FIG4: variants seen among roughly 807,000 people sequenced by gnomAD.
FIG4 encodes polyphosphoinositide phosphatase.
Under a neutral mutation model 118.6 loss-of-function variants are expected in FIG4, and 112 were observed. The ratio of observed to expected loss-of-function variants is 0.94; its 90% CI spans 0.81 to 1.11. The LOEUF is 1.11. Among genes scored for constraint, FIG4 ranks in the 50% least tolerant of loss-of-function variants. The pLI, the probability that FIG4 is intolerant of heterozygous loss-of-function variation, is 0.00. For missense variants in FIG4, 969 were observed against 1,111.7 expected, an observed-to-expected ratio of 0.87 and a Z score of 1.83; for synonymous variants, 369 against 381.2, an observed-to-expected ratio of 0.97 and a Z score of 0.37.
In FIG4 at chr6:109,814,100, T is replaced by C. The variant is rs538270217; in HGVS notation, c.2547-10988T>C. 3.9e-4 allele frequency among the ~76,000 whole-genome samples: 60 copies of C among 152,290 alleles called. 1 individual carries two copies. The highest frequency in any genetic ancestry group is 1.4e-3 in the African/African-American group (59 of 41,568). On this transcript the variant is annotated intron_variant, in intron 22 of 22. Coordinates refer to ENST00000230124, the MANE Select transcript of FIG4 (RefSeq NM_014845.6). ...CAAAAGTGATGGTGAGTTCTTTTTA[T>C]TGCATCCTACCATGGGCACACAAAT...
At chr6:109,736,854 T>C (rs1406636415) in intron 6 of FIG4, among the ~76,000 whole-genome samples, 2 of 152,092 alleles carry the variant, frequency 1.3e-5, no homozygotes, top group East Asian at 3.9e-4. Flanking sequence ...TGCATTCCTT[T>C]CCAGAGGCTC....
At chr6:109,797,712 A>T (rs1393585554) in intron 22 of FIG4, among the ~76,000 whole-genome samples, 1 of 152,060 alleles carries the variant, frequency 6.6e-6, no homozygotes, top group Non-Finnish European at 1.5e-5. Context: ...CCTGGCCAAC[A>T]TCATGAAACC....
chr6:109,761,650 G>A (rs983887230), intron 11 of FIG4, among the ~76,000 whole-genome samples: 2 of 152,208 alleles, frequency 1.3e-5, no homozygotes, highest in African/African-American at 4.8e-5. Flanking sequence ...GCCTCCCAAA[G>A]TGCTGGGATT....
intron 10 of FIG4, among the ~76,000 whole-genome samples, chr6:109,755,454 C>T (rs549824167): frequency 1.6e-4 from 25 of 152,124 alleles, no homozygotes; most frequent in African/African-American, 3.1e-4. Context: ...CTTTTAGGTC[C>T]GCTTGGTGCA....
Position 109,766,890 on chromosome 6 carries a change from TTTCAGGTAA to T in FIG4, c.1749_1750+7del, listed in dbSNP as rs1777296419. 1 of 1,613,820 alleles carries T rather than the reference TTTCAGGTAA, an allele frequency of 6.2e-7. No individual in the cohort carries two copies. The highest frequency in any genetic ancestry group is 8.5e-7 in the Non-Finnish European group (1 of 1,179,714). Reference sequence around the variant, plus strand: ...CTGTCTAGATATTACAGCAATGCTTTTTCAGGTAATTCTGAAGTAATAGCTATTTTTAAG... The same window carrying T: ...CTGTCTAGATATTACAGCAATGCTTTTTCTGAAGTAATAGCTATTTTTAAG... On this transcript the variant is annotated splice_donor_variant and splice_donor_region_variant and coding_sequence_variant and intron_variant, in exon 15 of 23. Coordinates refer to ENST00000230124, the MANE Select transcript of FIG4 (RefSeq NM_014845.6). LOFTEE classifies it high-confidence loss of function.
chr6:109,758,569 C>A (rs1353205017), intron 10 of FIG4, among the ~76,000 whole-genome samples: 1 of 152,202 alleles, frequency 6.6e-6, no homozygotes, highest in Non-Finnish European at 1.5e-5. Flanking sequence ...ATGACTAAAA[C>A]ACCAAAAGCA....
At chr6:109,712,171 T>C (rs924217879) in intron 1 of FIG4, among the ~76,000 whole-genome samples, 1 of 152,226 alleles carries the variant, frequency 6.6e-6, no homozygotes, top group East Asian at 1.9e-4. Flanking sequence ...GACCTTTCTC[T>C]CTAGCTGCCT....
intron 10 of FIG4, among the ~76,000 whole-genome samples, chr6:109,744,671 C>T (rs1486725645): frequency 6.6e-6 from 1 of 151,852 alleles, no homozygotes; most frequent in African/African-American, 2.4e-5. Flanking sequence ...TTTAAGTTCT[C>T]GGATACATGT....
chr6:109,764,561 A>G (rs1376166186), intron 13 of FIG4, among the ~76,000 whole-genome samples: 1 of 152,178 alleles, frequency 6.6e-6, no homozygotes, highest in Non-Finnish European at 1.5e-5. Context: ...AGAATAAGTT[A>G]GAGTGACTTT....
chr6:109,804,443 C>G (rs908524674), intron 22 of FIG4, among the ~76,000 whole-genome samples: 2 of 152,186 alleles, frequency 1.3e-5, no homozygotes, highest in Admixed American at 1.3e-4. Flanking sequence ...TGAGCATATA[C>G]TAGAAGTCTT....
Position 109,735,297 on chromosome 6 carries a change from C to A in FIG4, c.645C>A (p.Ser215Arg). The A allele has an allele frequency of 6.2e-7, 1 of 1,612,646 alleles. No individual in the cohort carries two copies. Among genetic ancestry groups the A allele is most frequent in the Non-Finnish European group, 8.5e-7 (1 of 1,178,888 alleles). Residue 215 changes from serine to arginine, a missense_variant and splice_region_variant, in exon 6 of 23, where the codon AGC (serine) becomes AGA (arginine). Physicochemically the swap from Ser to Arg is moderately radical, Grantham distance 110. Coordinates refer to ENST00000230124, the MANE Select transcript of FIG4 (RefSeq NM_014845.6). ...AAGGATTAATTACACAAGGTGGAAGCGGTAGGTGGTCTTGATATATCTAAT... is the reference window on the plus strand; with the variant it reads ...AAGGATTAATTACACAAGGTGGAAGAGGTAGGTGGTCTTGATATATCTAAT... ...EDEGLITQGGSGVFGICSEPY... is the reference protein window; with the variant it reads ...EDEGLITQGGRGVFGICSEPY...
At chr6:109,770,859 A>G (rs138799693) in intron 15 of FIG4, among the ~76,000 whole-genome samples, 141 of 152,290 alleles carry the variant, frequency 9.3e-4, no homozygotes, top group African/African-American at 3.3e-3. Context: ...ACGATATCAC[A>G]GGGTCAGGGT....
In FIG4 at chr6:109,760,388, A is replaced by G. The variant is rs374583399; in HGVS notation, c.1271+5A>G. On this transcript the variant is annotated splice_donor_5th_base_variant and intron_variant, in intron 11 of 22. Coordinates refer to ENST00000230124, the MANE Select transcript of FIG4 (RefSeq NM_014845.6). ...CATGGCCAAGTATACCAAAAGGTGA[A>G]TGATACTCATCTGTCTGGCTATGAT... The G allele has an allele frequency of 1.3e-4, 210 of 1,610,788 alleles. No individual in the cohort carries two copies. Among genetic ancestry groups the G allele is most frequent in the Middle Eastern group, 3.3e-4 (2 of 6,076 alleles).
intron 22 of FIG4, among the ~76,000 whole-genome samples, chr6:109,816,228 G>A (rs12527421): frequency 0.37 from 56,574 of 152,004 alleles, 12,484 homozygotes; most frequent in East Asian, 0.71. Context: ...GACTTCATCC[G>A]TCTGCAACCT....
chr6:109,747,508 G>A (rs1356500109), intron 10 of FIG4, among the ~76,000 whole-genome samples: 2 of 152,144 alleles, frequency 1.3e-5, no homozygotes, highest in Non-Finnish European at 2.9e-5. Flanking sequence ...AGGATGGAAA[G>A]ATTGTCCATT....
intron 3 of FIG4, 80 bp from the exon 4 acceptor site, chr6:109,727,029 G>T: frequency 1.9e-6 from 2 of 1,029,980 alleles, no homozygotes; most frequent in Admixed American, 3.4e-5. Flanking sequence ...TGTATCAAAG[G>T]TCTTTGGCCT....
intron 3 of FIG4, among the ~76,000 whole-genome samples, chr6:109,723,339 G>T (rs1406311192): frequency 6.6e-6 from 1 of 152,152 alleles, no homozygotes; most frequent in African/African-American, 2.4e-5. Flanking sequence ...CTAGTGTGTT[G>T]CTGAGAATAT....
chr6:109,752,071 G>A (rs1410617684), intron 10 of FIG4, among the ~76,000 whole-genome samples: 1 of 142,966 alleles, frequency 7.0e-6, no homozygotes, highest in African/African-American at 2.6e-5. Context: ...TCCCACCTAT[G>A]AGTGAGAACA....
At chr6:109,803,502 A>G (rs1778479744) in intron 22 of FIG4, among the ~76,000 whole-genome samples, 1 of 152,228 alleles carries the variant, frequency 6.6e-6, no homozygotes, top group African/African-American at 2.4e-5. Flanking sequence ...GTTTCAGACA[A>G]TAATGGGAAA....
Sources: allele counts gnomAD v4.1 joint callset (sites outside exome capture counted in the v4.1 genomes callset), GRCh38; gene constraint gnomAD v4.1.1; transcripts MANE v1.5; gene names NCBI Gene and HGNC (gene_info 2026-07-23, HGNC 2026-07-21).